The following EIF2AK1 variants were observed in gnomAD, a reference collection of about 807,000 sequenced individuals.
EIF2AK1 encodes the protein eukaryotic translation initiation factor 2 alpha kinase 1.
Under a neutral mutation model 77.9 loss-of-function variants are expected in EIF2AK1, and 54 were observed. That is an observed-to-expected ratio of 0.69 (90% confidence interval 0.56 to 0.87). The LOEUF (loss-of-function observed/expected upper bound fraction) is 0.87, where lower values mean the gene tolerates loss of function less well. EIF2AK1 is among the 40% of genes least tolerant of loss of function. EIF2AK1 has a pLI of 0.00. For missense variants in EIF2AK1, 810 were observed against 768.6 expected, an observed-to-expected ratio of 1.05 and a Z score of -0.64; for synonymous variants, 314 against 290.5, an observed-to-expected ratio of 1.08 and a Z score of -0.82.
chr7:6,045,727 T>A (rs1212403603), intron 6 of EIF2AK1, among the ~76,000 whole-genome samples: 2 of 131,858 alleles, frequency 1.5e-5, no homozygotes, highest in African/African-American at 5.9e-5. Flanking sequence ...TAACATATTT[T>A]AAAAATTATA....
rs371208857 is a variant in EIF2AK1, at chr7:6,048,434, C to A, written c.449+373G>T. Among the ~76,000 whole-genome samples, 76 of 152,296 alleles carry A rather than the reference C, an allele frequency of 5.0e-4. 3 individuals carry two copies. In the South Asian group the frequency reaches 0.015, roughly 31 times the overall value. On this transcript the variant is annotated intron_variant, in intron 4 of 14. Coordinates refer to ENST00000199389, the MANE Select transcript of EIF2AK1 (RefSeq NM_014413.4). ...TTCATTCCTTTTAATAGCTGAATAA[C>A]ACTTTATTGCAGGGATAGACCACAT...
rs1248067673 is a variant in EIF2AK1 at position 6,022,251 on chromosome 7, TTTC to T, written c.*2419_*2421del. 2 of 152,144 alleles carry T rather than the reference TTTC, an allele frequency of 1.3e-5. No homozygotes were observed. Among genetic ancestry groups the T allele is most frequent in the Non-Finnish European group, 2.9e-5 (2 of 68,030 alleles). 9.4% of individuals were successfully genotyped at this position (152,144 alleles called of 1,614,324 possible). On this transcript the variant is annotated 3_prime_UTR_variant, in exon 15 of 15. Coordinates refer to ENST00000199389, the MANE Select transcript of EIF2AK1 (RefSeq NM_014413.4). ...CCACCATGCCCAGCATCCTTATTATTTTCTTAACATTTTCTCAAGTTTATTGTA... is the reference window on the plus strand; with the variant it reads ...CCACCATGCCCAGCATCCTTATTATTTTAACATTTTCTCAAGTTTATTGTA...
chr7:6,033,848 C>T lies in EIF2AK1; in HGVS notation c.1332+3576G>A, dbSNP rs6977522. On this transcript the variant is annotated intron_variant, in intron 11 of 14. Transcript: ENST00000199389. This position sits in a 1 kb window ranked among gnomAD's most constrained non-coding sequence, Gnocchi z 4.4. ...CCTCCCAAAGTGCTGGGATTACAGG[C>T]GTGAGCCGCCGTGCCTGGCCGACAA... Among the ~76,000 whole-genome samples, 13,188 of 151,614 alleles carry T rather than the reference C, an allele frequency of 0.087. 716 individuals carry two copies. The highest frequency in any genetic ancestry group is 0.15 in the African/African-American group (6,157 of 41,354).
At chr7:6,056,636 AAACTC>A (rs1788782339) in intron 1 of EIF2AK1, among the ~76,000 whole-genome samples, 1 of 118,916 alleles carries the variant, frequency 8.4e-6, no homozygotes, top group African/African-American at 3.4e-5. Flanking sequence ...ATATATATAT[AAACTC>A]TGTCTGGACA....
At chr7:6,029,725 G>A (rs1469980394) in intron 11 of EIF2AK1, among the ~76,000 whole-genome samples, 1 of 152,116 alleles carries the variant, frequency 6.6e-6, no homozygotes, top group Non-Finnish European at 1.5e-5. Context: ...GCTCACACCT[G>A]TAATCTCAGC....
Position 6,040,895 on chromosome 7 carries a change from T to C in EIF2AK1, c.1116A>G (p.Thr372=). Residue 372 remains threonine (T), a synonymous_variant, in exon 9 of 15, where the codon ACA becomes ACG. Coordinates refer to ENST00000199389, the MANE Select transcript of EIF2AK1 (RefSeq NM_014413.4). The part of the protein sequence containing the change: ...SEENVNFLGQ[T]EAQYHLMLHI... ...AGGGTCTGGGAAAGTAATCTACCTCTGTCTGACCCAAAAAGTTGACATTTT... is the reference window on the plus strand; with the variant it reads ...AGGGTCTGGGAAAGTAATCTACCTCCGTCTGACCCAAAAAGTTGACATTTT... The C allele has an allele frequency of 2.5e-6, 4 of 1,613,712 alleles. No homozygotes were observed. The highest frequency in any genetic ancestry group is 1.1e-5 in the South Asian group (1 of 91,062).
chr7:6,028,749 TAAAG>T, intron 12 of EIF2AK1, 52 bp from the exon 13 acceptor site: 5 of 1,561,722 alleles, frequency 3.2e-6, no homozygotes, highest in Non-Finnish European at 4.4e-6. Context: ...CTGTCAACAT[TAAAG>T]AACATTTACT....
chr7:6,057,126 CTTTTT>C (rs34958065), intron 1 of EIF2AK1, among the ~76,000 whole-genome samples: 1 of 90,738 alleles, frequency 1.1e-5, no homozygotes, highest in East Asian at 3.3e-4. Flanking sequence ...GACCCCATCT[CTTTTT>C]TTTTTTTTTT....
In EIF2AK1 at chr7:6,023,306, C is replaced by G. The variant is rs776366708; in HGVS notation, c.*1367G>C. On this transcript the variant is annotated 3_prime_UTR_variant, in exon 15 of 15. Transcript: ENST00000199389. Reference sequence around the variant, plus strand: ...CTGGCGTGTTTTTTCTTTTCAGTGCCGAAGACGCAGATGAAATTCAGCATC... The same window carrying G: ...CTGGCGTGTTTTTTCTTTTCAGTGCGGAAGACGCAGATGAAATTCAGCATC... 1.3e-6 allele frequency: 2 copies of G among 1,592,144 alleles called. No individual in the cohort carries two copies. Among genetic ancestry groups the G allele is most frequent in the African/African-American group, 1.4e-5 (1 of 73,984 alleles).
At position 6,023,495 on chromosome 7, in the gene EIF2AK1, T is replaced by G. The variant is rs1198048843; in HGVS notation, c.*1178A>C. On this transcript the variant is annotated 3_prime_UTR_variant, in exon 15 of 15. Transcript: ENST00000199389. ...AGCAGTAAAGAAAAAGCCGCTGTTT[T>G]CCGCTCCATGAACTCTGCTCTTGGG... The G allele has an allele frequency of 1.9e-6, 3 of 1,614,084 alleles. No individual in the cohort carries two copies. In the African/African-American group the frequency reaches 4.0e-5, roughly 22 times the overall value.
intron 4 of EIF2AK1, among the ~76,000 whole-genome samples, chr7:6,048,391 T>C (rs1394996190): frequency 1.3e-5 from 2 of 152,258 alleles, no homozygotes; most frequent in Non-Finnish European, 2.9e-5. Flanking sequence ...TCATCCATAT[T>C]GTAGCATGAA....
intron 9 of EIF2AK1, among the ~76,000 whole-genome samples, chr7:6,040,675 T>C (rs1035663877): frequency 4.6e-5 from 7 of 152,006 alleles, no homozygotes; most frequent in African/African-American, 1.7e-4. Context: ...AAGCTGTAAA[T>C]GGCCAGGTCG....
intron 3 of EIF2AK1, 84 bp downstream of exon 3, chr7:6,049,828 G>C: frequency 7.4e-7 from 1 of 1,360,322 alleles, no homozygotes; most frequent in Non-Finnish European, 1.0e-6. Flanking sequence ...TTTATAATCA[G>C]AATTTCACAG....
chr7:6,055,043 A>T (rs962773296), intron 1 of EIF2AK1, among the ~76,000 whole-genome samples: 11 of 152,110 alleles, frequency 7.2e-5, no homozygotes, highest in Non-Finnish European at 4.4e-5. Context: ...GCATAAAGAA[A>T]GAAGTTAGGC....
chr7:6,023,125 A>T lies in EIF2AK1; in HGVS notation c.*1548T>A. 1.4e-6 allele frequency: 1 copy of T among 707,094 alleles called. No homozygotes were observed. The highest frequency in any genetic ancestry group is 2.2e-6 in the Non-Finnish European group (1 of 446,696). 43.8% of individuals were successfully genotyped at this position (707,094 alleles called of 1,614,324 possible). ...TACTTTTTTAACATAGTTTGCACTT[A>T]AACCCTTTTCAGTAGTAAGCATCTT... On this transcript the variant is annotated 3_prime_UTR_variant, in exon 15 of 15. Transcript: ENST00000199389.
At chr7:6,037,840 C>G (rs966064543) in intron 10 of EIF2AK1, among the ~76,000 whole-genome samples, 3 of 151,582 alleles carry the variant, frequency 2.0e-5, no homozygotes, top group Non-Finnish European at 4.4e-5. Context: ...TATCAGGCAA[C>G]TAGAGTCGAT....
intron 14 of EIF2AK1, among the ~76,000 whole-genome samples, 164 bp from the exon 15 acceptor site, chr7:6,024,965 A>C (rs568388965): frequency 1.7e-3 from 258 of 151,970 alleles, no homozygotes; most frequent in Middle Eastern, 0.01. Flanking sequence ...CAGCCACCCA[A>C]GTAGCTGGGA....
Position 6,041,105 on chromosome 7 carries a change from G to T in EIF2AK1, c.906C>A (p.Asn302Lys). The change falls in exon 9 of 15, where the codon AAC (asparagine) becomes AAA (lysine). Residue 302 changes from asparagine to lysine, a missense_variant. Asn to Lys is a moderately conservative substitution (Grantham distance 94). Coordinates refer to ENST00000199389, the MANE Select transcript of EIF2AK1 (RefSeq NM_014413.4). ...FGESDTENQN[N>K]KSVKYTTNLV... ...AATTGGTGGTGTACTTCACCGACTT[G>T]TTATTCTGATTTTCAGTGTCAGATT... The T allele has an allele frequency of 1.2e-6, 2 of 1,613,920 alleles. No homozygotes were observed. Among genetic ancestry groups the T allele is most frequent in the Non-Finnish European group, 1.7e-6 (2 of 1,180,010 alleles).
At position 6,054,547 on chromosome 7, in the gene EIF2AK1, C is replaced by G. The variant is rs1338627302; in HGVS notation, c.276G>C (p.Lys92Asn). The change falls in exon 2 of 15, where the codon AAG becomes AAC. Residue 92 changes from lysine (K) to asparagine (N), a missense_variant and splice_region_variant. Coordinates refer to ENST00000199389, the MANE Select transcript of EIF2AK1 (RefSeq NM_014413.4). ...CAAGATTCATTTATTCTTACTTACG[C>G]TTAAACACCTGTCTTGAACGAAGTG... ...PNPLRSRQVFKLLCQTFIKMG... is the reference protein window; with the variant it reads ...PNPLRSRQVFNLLCQTFIKMG... 3 of 1,614,054 alleles carry G rather than the reference C, an allele frequency of 1.9e-6. No individual in the cohort carries two copies. The highest frequency in any genetic ancestry group is 2.5e-6 in the Non-Finnish European group (3 of 1,179,998).
Sources: allele counts gnomAD v4.1 joint callset (sites outside exome capture counted in the v4.1 genomes callset), GRCh38; gene constraint gnomAD v4.1.1; non-coding constraint Gnocchi (gnomAD v3.1); transcripts MANE v1.5; gene names NCBI Gene and HGNC (gene_info 2026-07-23, HGNC 2026-07-21).